Variants in TMCO6 observed in about 807,000 individuals in gnomAD.
The protein encoded by TMCO6 is transmembrane and coiled-coil domains 6.
In TMCO6, 47 loss-of-function variants were observed where a neutral mutation model predicts 61.8. The ratio of observed to expected loss-of-function variants is 0.76; its 90% CI spans 0.60 to 0.97. The LOEUF is 0.97. Among genes scored for constraint, TMCO6 ranks in the 50% least tolerant of loss-of-function variants. TMCO6 has a pLI of 0.00. For synonymous variants in TMCO6, 261 were observed against 254.2 expected, an observed-to-expected ratio of 1.03 and a Z score of -0.25; for missense variants, 557 against 601.6, an observed-to-expected ratio of 0.93 and a Z score of 0.78.
At chr5:140,647,492 T>C (rs963295784), downstream of TMCO6, 4 of 1,612,438 alleles carry the variant, frequency 2.5e-6, no homozygotes, top group Admixed American at 1.7e-5. Context: ...CCTGACGCCC[T>C]GGCTGCCGGG....
chr5:140,617,858 T>C, the TMCO6 span, among the ~76,000 whole-genome samples: 1 of 152,180 alleles, frequency 6.6e-6, no homozygotes, highest in African/African-American at 2.4e-5. Context: ...ATAGCATGTG[T>C]TCAATATTGG....
chr5:140,633,102 C>T, the TMCO6 span: 46 of 1,613,748 alleles, frequency 2.9e-5, 1 homozygote, highest in Middle Eastern at 4.9e-4. Flanking sequence ...CTCTGAGCTC[C>T]GGACAGGCTC....
chr5:140,631,650 G>A, the TMCO6 span: 5 of 485,372 alleles, frequency 1.0e-5, no homozygotes, highest in South Asian at 8.9e-5. Context: ...GAAAGCCTAA[G>A]TATGATGAAT....
chr5:140,637,531 T>C (rs1756797800), upstream of TMCO6, among the ~76,000 whole-genome samples: 1 of 152,172 alleles, frequency 6.6e-6, no homozygotes, highest in Admixed American at 6.5e-5. Context: ...CTGAATGGAC[T>C]TCCTCCTCAG....
At chr5:140,647,090 A>G (rs150665735), downstream of TMCO6, 2 of 787,446 alleles carry the variant, frequency 2.5e-6, no homozygotes, top group East Asian at 5.5e-5. Flanking sequence ...AACGCATCAT[A>G]TAACCCTGCG....
chr5:140,619,378 CAAAT>C, the TMCO6 span, among the ~76,000 whole-genome samples: 1 of 152,114 alleles, frequency 6.6e-6, no homozygotes, highest in Admixed American at 6.5e-5. Flanking sequence ...CAATAAAACA[CAAAT>C]AAAACAGCTT....
At chr5:140,647,564 C>T, downstream of TMCO6, 1 of 1,611,112 alleles carries the variant, frequency 6.2e-7, no homozygotes, top group South Asian at 1.1e-5. Flanking sequence ...GACTCCTCGA[C>T]TTGCTGCGGC....
the TMCO6 span, chr5:140,631,668 C>T: frequency 1.8e-6 from 1 of 560,236 alleles, no homozygotes; most frequent in Non-Finnish European, 3.1e-6. Context: ...AATTCCCCAT[C>T]CAGCACTGTG....
chr5:140,639,135 G>A (rs1351870857), upstream of TMCO6: 1 of 190,512 alleles, frequency 5.2e-6, no homozygotes, highest in Non-Finnish European at 1.1e-5. Flanking sequence ...GCTTCCCGCA[G>A]TTCGGGATTG....
At chr5:140,598,409 C>A in the TMCO6 span, among the ~76,000 whole-genome samples, 2 of 152,084 alleles carry the variant, frequency 1.3e-5, no homozygotes, top group Admixed American at 1.3e-4. Context: ...GTGCTCATTC[C>A]AATTCCCTAT....
At chr5:140,617,476 A>G in the TMCO6 span, among the ~76,000 whole-genome samples, 1 of 152,126 alleles carries the variant, frequency 6.6e-6, no homozygotes, top group Non-Finnish European at 1.5e-5. Flanking sequence ...GCTTGAACGT[A>G]GAGGGCTGAG....
chr5:140,612,060 C>T, the TMCO6 span, among the ~76,000 whole-genome samples: 6 of 152,070 alleles, frequency 3.9e-5, no homozygotes, highest in Admixed American at 2.0e-4. Context: ...AACAAAAACA[C>T]ACTAATGTCA....
At chr5:140,638,545 ATTTC>A (rs200557077), upstream of TMCO6, among the ~76,000 whole-genome samples, 631 of 147,214 alleles carry the variant, frequency 4.3e-3, 3 homozygotes, top group African/African-American at 0.011. Flanking sequence ...CATATCCCAG[ATTTC>A]TTTCTTTCTT....
At chr5:140,626,266 C>CCATTGCATT in the TMCO6 span, among the ~76,000 whole-genome samples, 1 of 151,798 alleles carries the variant, frequency 6.6e-6, no homozygotes, top group Admixed American at 6.6e-5. Flanking sequence ...TGCTCTATCA[C>CCATTGCATT]CCAGGCTGGA....
chr5:140,642,591 C>G lies in TMCO6; in HGVS notation c.609C>G (p.Pro203=), dbSNP rs1211648560. ...VPALAACIQS[P]HVAVLEALGY... Reference sequence around the variant, plus strand: ...CTTACCCTGTCTACTTCCAGTCCCCCCATGTGGCTGTGCTGGAAGCTCTCG... The same window carrying G: ...CTTACCCTGTCTACTTCCAGTCCCCGCATGTGGCTGTGCTGGAAGCTCTCG... Residue 203 remains proline, a synonymous_variant, in exon 6 of 12, where the codon CCC becomes CCG. Transcript: ENST00000394671. 1 of 1,614,244 alleles carries G rather than the reference C, an allele frequency of 6.2e-7. No homozygotes were observed. The highest frequency in any genetic ancestry group is 8.5e-7 in the Non-Finnish European group (1 of 1,180,038).
At chr5:140,632,451 G>A in the TMCO6 span, 2 of 1,614,204 alleles carry the variant, frequency 1.2e-6, no homozygotes, top group Non-Finnish European at 1.7e-6. The surrounding 1 kb of genome is among the most constrained non-coding windows in gnomAD (Gnocchi z 6.2). Flanking sequence ...GTGTGCTTGG[G>A]CAATGCTCAG....
chr5:140,636,441 C>T (rs954217763), upstream of TMCO6, among the ~76,000 whole-genome samples: 4 of 147,876 alleles, frequency 2.7e-5, no homozygotes, highest in East Asian at 5.8e-4. Context: ...TGCACTGCAG[C>T]GTGGGCAACC....
downstream of TMCO6, chr5:140,647,284 A>C (rs1581475993): frequency 6.4e-7 from 1 of 1,569,276 alleles, no homozygotes; most frequent in Non-Finnish European, 8.7e-7. Context: ...TGGGCTGCAC[A>C]TCGGAGCATT....
At chr5:140,630,165 T>C in the TMCO6 span, among the ~76,000 whole-genome samples, 1 of 151,872 alleles carries the variant, frequency 6.6e-6, no homozygotes, top group African/African-American at 2.4e-5. Flanking sequence ...GGCTAATTTT[T>C]GTATTTTTAG....
Sources: gnomAD v4.1 joint callset for allele counts (sites outside exome capture counted in the v4.1 genomes callset) on GRCh38, gnomAD v4.1.1 for gene constraint, Gnocchi (gnomAD v3.1) non-coding constraint, MANE v1.5 for transcripts, NCBI Gene and HGNC (gene_info 2026-07-23, HGNC 2026-07-21) for gene names.